ZNF536: variants seen among roughly 807,000 people sequenced by gnomAD.
ZNF536 encodes zinc finger protein 536.
In ZNF536, 13 loss-of-function variants were observed where a neutral mutation model predicts 84.5. That is an observed-to-expected ratio of 0.15 (90% CI 0.10 to 0.24). The LOEUF is 0.24. ZNF536 is among the 10% of genes least tolerant of loss of function. The pLI, the probability that ZNF536 is intolerant of heterozygous loss-of-function variation, is 1.00. For synonymous variants in ZNF536, 811 were observed against 742.5 expected (o/e 1.09, Z -1.50); for missense variants, 1,536 against 1,747.5 (o/e 0.88, Z 2.16).
intron 1 of ZNF536, among the ~76,000 whole-genome samples, chr19:30,563,141 G>A (rs747545123): frequency 1.6e-4 from 24 of 152,080 alleles, no homozygotes; most frequent in Non-Finnish European, 2.5e-4. Context: ...CCGAGAACCC[G>A]CTAAAACCCC....
intron 1 of ZNF536, 70 bp from the exon 2 acceptor site, chr19:30,443,491 C>CATCAAT: frequency 6.7e-7 from 1 of 1,481,902 alleles, no homozygotes; most frequent in Non-Finnish European, 9.0e-7. Flanking sequence ...ATTCCCTGCC[C>CATCAAT]GCCAATGCTG....
At chr19:30,679,405 G>C (rs1288897489) in intron 1 of ZNF536, among the ~76,000 whole-genome samples, 1 of 152,194 alleles carries the variant, frequency 6.6e-6, no homozygotes. Flanking sequence ...GCAGAAACAA[G>C]GTGGCTGGGG....
In ZNF536 at chr19:30,583,678, G is replaced by A. The variant is rs551378601; in HGVS notation, c.169+34164G>A. Reference sequence around the variant, plus strand: ...CTGTACATGGACCCTTGAAGGGGCTGTAGTCCTCATGAGGGCAGCAATCAA... The same window carrying A: ...CTGTACATGGACCCTTGAAGGGGCTATAGTCCTCATGAGGGCAGCAATCAA... On this transcript the variant is annotated intron_variant, in intron 1 of 1. Coordinates refer to the ZNF536 transcript ENST00000592773. Among the ~76,000 whole-genome samples the A allele has an allele frequency of 4.1e-4, 63 of 152,300 alleles. 1 individual carries two copies. The highest frequency in any genetic ancestry group is 1.5e-3 in the African/African-American group (61 of 41,578).
intron 2 of ZNF536, among the ~76,000 whole-genome samples, chr19:30,497,545 T>C (rs915332612): frequency 1.3e-5 from 2 of 152,186 alleles, no homozygotes; most frequent in African/African-American, 4.8e-5. Flanking sequence ...TCCCTCATGT[T>C]AACAGAGCCA....
intron 3 of ZNF536, among the ~76,000 whole-genome samples, chr19:30,545,069 G>A (rs2045487847): frequency 6.6e-6 from 1 of 152,260 alleles, no homozygotes; most frequent in East Asian, 1.9e-4. Context: ...ATCCACAGAG[G>A]GCCACCTGGG....
At chr19:30,544,151 TAACTGAGG>T (rs2045450787) in intron 3 of ZNF536, among the ~76,000 whole-genome samples, 1 of 152,150 alleles carries the variant, frequency 6.6e-6, no homozygotes, top group Non-Finnish European at 1.5e-5. Context: ...CTGGAGCACT[TAACTGAGG>T]AACTGGGATG....
chr19:30,290,902 A>G (rs1463430371), intron 2 of ZNF536, among the ~76,000 whole-genome samples: 1 of 152,058 alleles, frequency 6.6e-6, no homozygotes, highest in Non-Finnish European at 1.5e-5. Context: ...ATGTGTTCTC[A>G]TTGTTCAACT....
At chr19:30,620,903 A>G (rs2048459767) in intron 1 of ZNF536, among the ~76,000 whole-genome samples, 2 of 152,192 alleles carry the variant, frequency 1.3e-5, no homozygotes, top group South Asian at 4.1e-4. Flanking sequence ...TCTGATGGAA[A>G]AGATTTGTGT....
chr19:30,291,703 A>G (rs569892371), intron 2 of ZNF536, among the ~76,000 whole-genome samples: 87 of 152,312 alleles, frequency 5.7e-4, no homozygotes, highest in African/African-American at 1.9e-3. Context: ...TTCTGCCAGC[A>G]GCGTGCCAGG....
chr19:30,484,137 C>T (rs1280766185), intron 2 of ZNF536, among the ~76,000 whole-genome samples: 1 of 152,060 alleles, frequency 6.6e-6, no homozygotes, highest in Non-Finnish European at 1.5e-5. Context: ...GCCTGACCAC[C>T]TGGACACACT....
chr19:30,613,897 C>T (rs927309073), intron 1 of ZNF536, among the ~76,000 whole-genome samples: 10 of 152,194 alleles, frequency 6.6e-5, no homozygotes, highest in African/African-American at 2.4e-5. Flanking sequence ...GTGTATCACT[C>T]TGTTGTCCGG....
chr19:30,267,633 G>C (rs541280044), intron 1 of ZNF536, among the ~76,000 whole-genome samples: 2 of 152,070 alleles, frequency 1.3e-5, no homozygotes, highest in Non-Finnish European at 2.9e-5. Flanking sequence ...GGCACACCCC[G>C]TCCTGTCCTC....
intron 2 of ZNF536, among the ~76,000 whole-genome samples, chr19:30,314,888 C>A (rs1423635367): frequency 3.9e-5 from 6 of 152,140 alleles, no homozygotes; most frequent in African/African-American, 1.4e-4. Context: ...TGCAGGGTAC[C>A]CAGCCCCGAT....
chr19:30,481,899 A>G (rs546642907), intron 2 of ZNF536, among the ~76,000 whole-genome samples: 114 of 152,208 alleles, frequency 7.5e-4, no homozygotes, highest in African/African-American at 2.7e-3. Flanking sequence ...GCTCCCACTG[A>G]TAAGTGACAA....
intron 1 of ZNF536, among the ~76,000 whole-genome samples, chr19:30,627,967 G>A (rs972499474): frequency 3.9e-5 from 6 of 152,254 alleles, no homozygotes; most frequent in Non-Finnish European, 8.8e-5. Context: ...TGTCCATCAC[G>A]CCTCAACCCA....
rs182937590 is a variant in ZNF536 at position 30,291,373 on chromosome 19, C to T, written c.-120+7232C>T. Among the ~76,000 whole-genome samples the T allele has an allele frequency of 1.8e-4, 27 of 152,250 alleles. No homozygotes were observed. The East Asian group carries it at 2.3e-3, about 13-fold the overall frequency. ...TGTTGTTTCCTGACTTTTTAATGAT[C>T]GCCATTCTAACTGGTATGAGATGGT... On this transcript the variant is annotated intron_variant, in intron 2 of 5. Transcript: ENST00000585628.
At chr19:30,454,163 G>A (rs1043423328) in intron 2 of ZNF536, among the ~76,000 whole-genome samples, 1 of 152,268 alleles carries the variant, frequency 6.6e-6, no homozygotes, top group Non-Finnish European at 1.5e-5. Flanking sequence ...ATGGGGCCCA[G>A]GGCATTTCAC....
At chr19:30,545,383 G>GTATT (rs2045503833) in intron 3 of ZNF536, among the ~76,000 whole-genome samples, 1 of 85,228 alleles carries the variant, frequency 1.2e-5, no homozygotes, top group Admixed American at 1.2e-4. Flanking sequence ...GCTCCCATAT[G>GTATT]TCTTTTTTTT....
At chr19:30,600,142 G>A (rs1248893711) in intron 1 of ZNF536, among the ~76,000 whole-genome samples, 1 of 151,966 alleles carries the variant, frequency 6.6e-6, no homozygotes, top group Non-Finnish European at 1.5e-5. Context: ...GCCCAGGCTG[G>A]ACTGCATTGG....
Sources: allele counts gnomAD v4.1 joint callset (sites outside exome capture counted in the v4.1 genomes callset), GRCh38; gene constraint gnomAD v4.1.1; transcripts MANE v1.5; gene names NCBI Gene and HGNC (gene_info 2026-07-23, HGNC 2026-07-21).